Variants in EPHA3 observed in about 807,000 individuals in gnomAD.
The protein encoded by EPHA3 is EPH receptor A3.
Under a neutral mutation model 107.1 loss-of-function variants are expected in EPHA3, and 42 were observed. The observed-to-expected ratio is 0.39, with a 90% CI of 0.31 to 0.51. The LOEUF is 0.51. Ranked by LOEUF, EPHA3 falls within the 20% of genes least tolerant of loss-of-function variation. The pLI is 0.78. For missense variants in EPHA3, 1,183 were observed against 1,211.2 expected, an observed-to-expected ratio of 0.98 and a Z score of 0.35; for synonymous variants, 461 against 424.8, an observed-to-expected ratio of 1.09 and a Z score of -1.05.
chr3:89,298,897 A>G (rs1360969296), intron 3 of EPHA3, among the ~76,000 whole-genome samples: 1 of 152,076 alleles, frequency 6.6e-6, no homozygotes, highest in Non-Finnish European at 1.5e-5. Flanking sequence ...AGACCCCTTC[A>G]TGGGTCTCTA....
At chr3:89,426,861 T>A (rs1709467293) in intron 11 of EPHA3, among the ~76,000 whole-genome samples, 1 of 151,916 alleles carries the variant, frequency 6.6e-6, no homozygotes, top group East Asian at 1.9e-4. Context: ...AAAGTACACA[T>A]ATGCAGGATT....
At chr3:89,108,397 G>A (rs1273492399) in intron 1 of EPHA3, among the ~76,000 whole-genome samples, 1 of 152,164 alleles carries the variant, frequency 6.6e-6, no homozygotes, top group Admixed American at 6.5e-5. Flanking sequence ...GCAATGGTTT[G>A]CTCTATGGTA....
intron 3 of EPHA3, among the ~76,000 whole-genome samples, chr3:89,285,072 G>A (rs962106541): frequency 5.3e-5 from 8 of 152,210 alleles, no homozygotes; most frequent in African/African-American, 1.7e-4. Context: ...GCAGTGAGCC[G>A]AGATCATGCC....
At chr3:89,139,159 G>A (rs576542514) in intron 2 of EPHA3, among the ~76,000 whole-genome samples, 5 of 151,910 alleles carry the variant, frequency 3.3e-5, no homozygotes, top group African/African-American at 7.2e-5. Flanking sequence ...TCCAGCAATC[G>A]GGGAGACAGC....
At chr3:89,277,684 A>G (rs1705841999) in intron 3 of EPHA3, among the ~76,000 whole-genome samples, 1 of 152,140 alleles carries the variant, frequency 6.6e-6, no homozygotes, top group Non-Finnish European at 1.5e-5. Context: ...CCAGTATATT[A>G]TATTTTTTTG....
chr3:89,144,956 A>G (rs1256653216), intron 2 of EPHA3, among the ~76,000 whole-genome samples: 2 of 151,762 alleles, frequency 1.3e-5, no homozygotes, highest in Non-Finnish European at 2.9e-5. Flanking sequence ...TATCGTTCTT[A>G]TAGTATCAAT....
At chr3:89,382,939 G>A (rs1708541282) in intron 5 of EPHA3, among the ~76,000 whole-genome samples, 1 of 152,172 alleles carries the variant, frequency 6.6e-6, no homozygotes, top group African/African-American at 2.4e-5. Flanking sequence ...TCAGATGCCA[G>A]AGCATCAGGA....
chr3:89,316,410 T>A (rs1179283052), intron 3 of EPHA3, among the ~76,000 whole-genome samples: 2 of 150,480 alleles, frequency 1.3e-5, no homozygotes, highest in African/African-American at 4.9e-5. Context: ...GATATGACGT[T>A]TCACTAACGC....
At position 89,341,969 on chromosome 3, in the gene EPHA3, A is replaced by G. The variant is rs1489787209; in HGVS notation, c.1185A>G (p.Thr395=). ...RQFGLTNTTV[T]VTDLLAHTNY... is the part of the protein sequence containing the mutation. The stretch of plus-strand genomic sequence containing the variant: ...TTGGACTCACCAACACCACGGTGAC[A>G]GTGACAGACCTTCTGGCACATACTA... The change falls in exon 5 of 17, where the codon ACA becomes ACG. Residue 395 remains threonine (T), a synonymous_variant. Transcript: ENST00000336596. 2 of 1,613,344 alleles carry G rather than the reference A, an allele frequency of 1.2e-6. No individual in the cohort carries two copies. Among genetic ancestry groups the G allele is most frequent in the Non-Finnish European group, 1.7e-6 (2 of 1,179,896 alleles).
chr3:89,121,154 T>C (rs1707372857), intron 1 of EPHA3, among the ~76,000 whole-genome samples: 1 of 152,110 alleles, frequency 6.6e-6, no homozygotes, highest in Non-Finnish European at 1.5e-5. Context: ...GAGAATGGCG[T>C]GAACCTGTTA....
chr3:89,442,175 A>G (rs1161629233), intron 13 of EPHA3, among the ~76,000 whole-genome samples: 1 of 152,348 alleles, frequency 6.6e-6, no homozygotes, highest in East Asian at 1.9e-4. Context: ...AGGAAAAAAG[A>G]AGAAAGGAGA....
intron 11 of EPHA3, among the ~76,000 whole-genome samples, chr3:89,427,125 G>T (rs1487726032): frequency 6.6e-6 from 1 of 151,858 alleles, no homozygotes; most frequent in African/African-American, 2.4e-5. Flanking sequence ...GTTACATGGT[G>T]CCTTAAAGAC....
chr3:89,480,242 A>G lies in EPHA3; in HGVS notation c.*740A>G, dbSNP rs1238444982. ...CAAATGCTCTCTCAAATTGTCAGCAATTTAACTAGACACAGATAATAATGG... is the reference window on the plus strand; with the variant it reads ...CAAATGCTCTCTCAAATTGTCAGCAGTTTAACTAGACACAGATAATAATGG... On this transcript the variant is annotated 3_prime_UTR_variant, in exon 17 of 17. Coordinates refer to ENST00000336596, the MANE Select transcript of EPHA3 (RefSeq NM_005233.6). 1.7e-5 allele frequency: 4 copies of G among 233,002 alleles called. No individual in the cohort carries two copies. The highest frequency in any genetic ancestry group is 2.5e-5 in the Non-Finnish European group (3 of 117,878). The allele number at this position is 233,002 out of a possible 1,614,324, so 14.4% of individuals were successfully genotyped here.
intron 2 of EPHA3, among the ~76,000 whole-genome samples, chr3:89,198,971 GTTATA>G (rs978380490): frequency 8.5e-5 from 13 of 152,154 alleles, no homozygotes; most frequent in Non-Finnish European, 1.3e-4. Flanking sequence ...TCTTCAAGCA[GTTATA>G]CTGAATTCTA....
intron 3 of EPHA3, among the ~76,000 whole-genome samples, chr3:89,250,120 A>G (rs911589934): frequency 5.9e-5 from 9 of 152,224 alleles, no homozygotes; most frequent in African/African-American, 1.9e-4. Flanking sequence ...CATTTCTAGT[A>G]TACATTCCTG....
At chr3:89,347,604 A>G (rs540514576) in intron 5 of EPHA3, among the ~76,000 whole-genome samples, 2 of 150,070 alleles carry the variant, frequency 1.3e-5, no homozygotes, top group East Asian at 1.9e-4. Flanking sequence ...AATACCCTTT[A>G]TTTCCTTCTC....
intron 5 of EPHA3, among the ~76,000 whole-genome samples, chr3:89,362,163 A>G (rs1312942988): frequency 6.6e-6 from 1 of 151,074 alleles, no homozygotes; most frequent in East Asian, 2.0e-4. Context: ...ATCTTCTTCA[A>G]GCGCAAGTAG....
chr3:89,369,159 T>G (rs539895254), intron 5 of EPHA3, among the ~76,000 whole-genome samples: 1 of 150,276 alleles, frequency 6.7e-6, no homozygotes, highest in African/African-American at 2.4e-5. Context: ...TAAGAAGGAA[T>G]GGAAACAACA....
At chr3:89,383,254 T>C (rs1474134977) in intron 5 of EPHA3, among the ~76,000 whole-genome samples, 4 of 152,188 alleles carry the variant, frequency 2.6e-5, no homozygotes, top group Non-Finnish European at 4.4e-5. Flanking sequence ...ACATAATATA[T>C]AATGGCATTT....
Sources: allele counts gnomAD v4.1 joint callset (sites outside exome capture counted in the v4.1 genomes callset), GRCh38; gene constraint gnomAD v4.1.1; transcripts MANE v1.5; gene names NCBI Gene and HGNC (gene_info 2026-07-23, HGNC 2026-07-21).